The following TSNARE1 variants were observed in gnomAD, a reference collection of about 807,000 sequenced individuals.
TSNARE1 encodes the protein t-SNARE domain-containing protein 1.
In TSNARE1, 49 loss-of-function variants were observed where a neutral mutation model predicts 62.0. That is an observed-to-expected ratio of 0.79 (90% CI 0.63 to 1.00). The LOEUF (loss-of-function observed/expected upper bound fraction) is 1.00, where lower values mean the gene tolerates loss of function less well. TSNARE1 is among the 50% of genes least tolerant of loss of function. The pLI is 0.00. For synonymous variants in TSNARE1, 328 were observed against 294.4 expected, an observed-to-expected ratio of 1.11 and a Z score of -1.17; for missense variants, 755 against 700.1, an observed-to-expected ratio of 1.08 and a Z score of -0.88.
intron 1 of TSNARE1, among the ~76,000 whole-genome samples, chr8:142,391,258 C>CTG (rs1837502447): frequency 6.9e-6 from 1 of 144,052 alleles, no homozygotes; most frequent in Non-Finnish European, 1.5e-5. Context: ...GCTGGGGACT[C>CTG]TATAACAGAC....
At position 142,313,395 on chromosome 8, in the gene TSNARE1, C is replaced by T. The variant is rs540307399; in HGVS notation, c.1131+989G>A. Among the ~76,000 whole-genome samples the T allele has an allele frequency of 1.1e-4, 16 of 141,644 alleles. 1 individual carries two copies. The South Asian group carries it at 1.4e-3, about 12-fold the overall frequency. The allele number at this position is 141,644 out of a possible 152,430, so 92.9% of individuals were successfully genotyped here. A position where few individuals can be genotyped will look rare whatever the true frequency, so the allele number is the denominator to read the frequency against. On this transcript the variant is annotated intron_variant, in intron 9 of 13. Coordinates refer to ENST00000524325, the MANE Select transcript of TSNARE1 (RefSeq NM_145003.5). ...ATGTGTCTGCATGTCTATGTGTCTG[C>T]GTGTCTGTGTTTATGTGTCTGTGTG...
At chr8:142,255,162 C>A (rs576979444) in intron 12 of TSNARE1, among the ~76,000 whole-genome samples, 14 of 152,116 alleles carry the variant, frequency 9.2e-5, no homozygotes, top group East Asian at 1.9e-4. Flanking sequence ...GCCCCATGAA[C>A]CTGTCAGTAA....
At chr8:142,264,424 G>T (rs1352131826) in intron 12 of TSNARE1, among the ~76,000 whole-genome samples, 1 of 152,188 alleles carries the variant, frequency 6.6e-6, no homozygotes, top group Admixed American at 6.5e-5. Flanking sequence ...GTAGCAGAGG[G>T]TTCTGTAAGC....
intron 12 of TSNARE1, chr8:142,273,558 G>C (rs1819944214): frequency 2.0e-6 from 2 of 985,414 alleles, no homozygotes; most frequent in East Asian, 1.1e-4. Flanking sequence ...GCCTCTCCCA[G>C]GTCTTGTCTC....
At chr8:142,290,058 G>T (rs1823497709) in intron 10 of TSNARE1, among the ~76,000 whole-genome samples, 1 of 152,168 alleles carries the variant, frequency 6.6e-6, no homozygotes. Flanking sequence ...TCCTGAGGAG[G>T]AAGCTCGGGG....
chr8:142,316,608 C>T (rs976682751), intron 7 of TSNARE1, among the ~76,000 whole-genome samples: 1 of 151,876 alleles, frequency 6.6e-6, no homozygotes, highest in South Asian at 2.1e-4. Context: ...TTAGAACATG[C>T]CCATCACCCC....
chr8:142,249,581 C>T (rs1011589718), intron 12 of TSNARE1, among the ~76,000 whole-genome samples: 7 of 152,230 alleles, frequency 4.6e-5, no homozygotes, highest in Non-Finnish European at 7.3e-5. Context: ...TTCAAGCACG[C>T]AGTGGGTTGC....
At chr8:142,271,498 C>T (rs1426405024) in intron 12 of TSNARE1, 22 of 1,323,090 alleles carry the variant, frequency 1.7e-5, no homozygotes, top group African/African-American at 1.1e-4. Context: ...CCGAAGAGGG[C>T]GGGGAAGGCT....
intron 4 of TSNARE1, among the ~76,000 whole-genome samples, chr8:142,333,706 G>A (rs868379224): frequency 6.6e-6 from 1 of 152,180 alleles, no homozygotes. Flanking sequence ...TATGCTCTGT[G>A]CACCCCTGGC....
At chr8:142,349,610 C>A (rs1259892281) in intron 2 of TSNARE1, among the ~76,000 whole-genome samples, 1 of 152,104 alleles carries the variant, frequency 6.6e-6, no homozygotes, top group African/African-American at 2.4e-5. Context: ...AGGTCTCTGT[C>A]GATACTGACT....
At chr8:142,313,993 G>A (rs1440104327) in intron 9 of TSNARE1, among the ~76,000 whole-genome samples, 1 of 152,214 alleles carries the variant, frequency 6.6e-6, no homozygotes, top group South Asian at 2.1e-4. Flanking sequence ...TGGCCAGGCT[G>A]ATCTTGAACC....
At chr8:142,320,887 C>A (rs1829389174) in intron 6 of TSNARE1, among the ~76,000 whole-genome samples, 1 of 152,252 alleles carries the variant, frequency 6.6e-6, no homozygotes, top group Non-Finnish European at 1.5e-5. Context: ...ACTGAAACAT[C>A]CTCATGGAGC....
intron 1 of TSNARE1, among the ~76,000 whole-genome samples, chr8:142,357,304 G>A (rs1834822755): frequency 1.3e-5 from 2 of 152,238 alleles, no homozygotes; most frequent in African/African-American, 4.8e-5. Flanking sequence ...AACTCGGGGA[G>A]GGGCACTCAA....
intron 12 of TSNARE1, among the ~76,000 whole-genome samples, chr8:142,252,526 C>T (rs1032685335): frequency 3.9e-5 from 6 of 152,236 alleles, no homozygotes; most frequent in African/African-American, 1.4e-4. Context: ...AGCGCCCCAG[C>T]AGGAGCTACC....
Position 142,228,329 on chromosome 8 carries a change from G to A in TSNARE1, c.*11+1144C>T, listed in dbSNP as rs368379333. ...GCTTAACATGTTTCAGAGGCTCCAC[G>A]GACACTAAGGGCCTTCCCATGTTCT... On this transcript the variant is annotated intron_variant, in intron 13 of 13. Transcript: ENST00000524325. 4.9e-4 allele frequency among the ~76,000 whole-genome samples: 74 copies of A among 152,306 alleles called. 1 individual carries two copies. The highest frequency in any genetic ancestry group is 1.6e-3 in the Admixed American group (24 of 15,304).
chr8:142,394,794 C>T (rs571539000), intron 1 of TSNARE1, among the ~76,000 whole-genome samples: 1 of 152,318 alleles, frequency 6.6e-6, no homozygotes, highest in South Asian at 2.1e-4. Context: ...GCACTCCCCA[C>T]GCCCCAGCTG....
intron 13 of TSNARE1, among the ~76,000 whole-genome samples, chr8:142,227,501 C>G (rs1409013537): frequency 6.6e-6 from 1 of 152,152 alleles, no homozygotes; most frequent in East Asian, 1.9e-4. Flanking sequence ...CTGCCCATAA[C>G]CCCAGTGACA....
chr8:142,398,859 C>T (rs2131478802), intron 1 of TSNARE1, among the ~76,000 whole-genome samples: 1 of 152,236 alleles, frequency 6.6e-6, no homozygotes, highest in East Asian at 1.9e-4. Flanking sequence ...AGGACCTACC[C>T]AAGGACAAAA....
intron 1 of TSNARE1, among the ~76,000 whole-genome samples, chr8:142,391,260 A>AACAGACGCTGTACACTGCTGGGGACTCTG (rs1837503294): frequency 1.1e-5 from 1 of 92,946 alleles, no homozygotes; most frequent in Non-Finnish European, 2.2e-5. Flanking sequence ...TGGGGACTCT[A>AACAGACGCTGTACACTGCTGGGGACTCTG]TAACAGACGC....
Sources: allele counts gnomAD v4.1 joint callset (sites outside exome capture counted in the v4.1 genomes callset), GRCh38; gene constraint gnomAD v4.1.1; transcripts MANE v1.5; gene names NCBI Gene and HGNC (gene_info 2026-07-23, HGNC 2026-07-21).